FBP1: variants seen among roughly 807,000 people sequenced by gnomAD.
FBP1 encodes the protein fructose-1,6-bisphosphatase 1.
Under a neutral mutation model 29.9 loss-of-function variants are expected in FBP1, and 22 were observed. The ratio of observed to expected loss-of-function variants is 0.74; its 90% CI spans 0.53 to 1.05. FBP1 has a LOEUF of 1.05. Among genes scored for constraint, FBP1 ranks in the 50% least tolerant of loss-of-function variants. The pLI is 0.00. For missense variants in FBP1, 345 were observed against 448.2 expected, an observed-to-expected ratio of 0.77 and a Z score of 2.08; for synonymous variants, 175 against 178.6, an observed-to-expected ratio of 0.98 and a Z score of 0.16.
At chr9:94,619,793 G>A (rs1449712752) in intron 2 of FBP1, among the ~76,000 whole-genome samples, 2 of 145,636 alleles carry the variant, frequency 1.4e-5, no homozygotes, top group Admixed American at 1.5e-4. Flanking sequence ...AGAATCGCTT[G>A]AACCCAGGAG....
intron 4 of FBP1, among the ~76,000 whole-genome samples, chr9:94,607,914 A>C (rs1245975776): frequency 6.6e-6 from 1 of 152,222 alleles, no homozygotes; most frequent in African/African-American, 2.4e-5. Flanking sequence ...GTGTCACTGG[A>C]AGTGATTCTT....
At chr9:94,611,598 A>T (rs545115287) in intron 3 of FBP1, among the ~76,000 whole-genome samples, 15 of 152,022 alleles carry the variant, frequency 9.9e-5, no homozygotes, top group South Asian at 4.2e-4. Context: ...ACGAAAAAAA[A>T]TTTTTTTTTA....
intron 1 of FBP1, among the ~76,000 whole-genome samples, chr9:94,635,205 C>T (rs1472150890): frequency 1.3e-5 from 2 of 152,002 alleles, no homozygotes. Flanking sequence ...AAAAGACCTC[C>T]AATCCGGGGT....
chr9:94,615,858 A>T (rs4077250), intron 3 of FBP1, among the ~76,000 whole-genome samples: 15,050 of 147,156 alleles, frequency 0.1, 2,587 homozygotes, highest in African/African-American at 0.36. Context: ...GACGGAGTCT[A>T]GCTCTGTCAC....
chr9:94,630,964 G>A (rs772943097), intron 1 of FBP1, among the ~76,000 whole-genome samples: 1 of 152,164 alleles, frequency 6.6e-6, no homozygotes, highest in Non-Finnish European at 1.5e-5. Context: ...GGGATTGGGG[G>A]AAGGGGAGGT....
At position 94,617,826 on chromosome 9, in the gene FBP1, C is replaced by T; in HGVS notation, c.368G>A (p.Gly123Glu). 4.3e-6 allele frequency: 7 copies of T among 1,613,860 alleles called. No homozygotes were observed. The highest frequency in any genetic ancestry group is 1.3e-5 in the African/African-American group (1 of 75,002). Residue 123 changes from glycine to glutamate, a missense_variant, in exon 3 of 7, where the codon GGA becomes GAA. Physicochemically the swap from Gly to Glu is moderately conservative, Grantham distance 98. Coordinates refer to ENST00000375326, the MANE Select transcript of FBP1 (RefSeq NM_000507.4). ...CACAAGGCAATCGATGTTGGAAGAT[C>T]CATCAAGGGGATCAAAACAGACCAC... Reference protein sequence around the residue: ...KYVVCFDPLDGSSNIDCLVSV... With the variant: ...KYVVCFDPLDESSNIDCLVSV...
intron 1 of FBP1, among the ~76,000 whole-genome samples, chr9:94,631,771 C>T (rs1324223782): frequency 6.6e-6 from 1 of 152,180 alleles, no homozygotes. Flanking sequence ...TAATCCTTAT[C>T]ACTAAAGTCA....
intron 2 of FBP1, among the ~76,000 whole-genome samples, chr9:94,619,745 G>A (rs28369700): frequency 0.012 from 1,838 of 151,912 alleles, 37 homozygotes; most frequent in African/African-American, 0.042. Flanking sequence ...GTGGTGGCGG[G>A]AACCTGTAAT....
chr9:94,605,486 G>A lies in FBP1; in HGVS notation c.796C>T (p.Pro266Ser). 2 of 1,613,916 alleles carry A rather than the reference G, an allele frequency of 1.2e-6. No homozygotes were observed. The highest frequency in any genetic ancestry group is 1.7e-6 in the Non-Finnish European group (2 of 1,179,986). Residue 266 changes from proline (P) to serine (S), a missense_variant, in exon 6 of 7, where the codon CCC (proline) becomes TCC (serine). Coordinates refer to ENST00000375326, the MANE Select transcript of FBP1 (RefSeq NM_000507.4). ...TLVYGGIFLY[P>S]ANKKSPNGKL... ...CCATTGGGGCTCTTCTTGTTAGCGG[G>A]GTACAGAAATATCCCTCCGTAGACC... is the stretch of plus-strand genomic sequence containing the variant.
intron 1 of FBP1, among the ~76,000 whole-genome samples, chr9:94,625,079 G>T (rs779328769): frequency 9.4e-5 from 12 of 127,708 alleles, no homozygotes; most frequent in Non-Finnish European, 1.6e-4. Context: ...TCATGCAGTG[G>T]ACTGCATTTT....
chr9:94,632,703 C>A (rs923429047), intron 1 of FBP1, among the ~76,000 whole-genome samples: 2 of 152,114 alleles, frequency 1.3e-5, no homozygotes, highest in African/African-American at 4.8e-5. Context: ...TTCAGGAAAA[C>A]AATGATATTA....
intron 2 of FBP1, among the ~76,000 whole-genome samples, chr9:94,619,674 G>C (rs936752134): frequency 2.6e-5 from 4 of 151,914 alleles, no homozygotes; most frequent in African/African-American, 9.7e-5. Flanking sequence ...AGGAGTTCAA[G>C]GCCAGCCTGG....
chr9:94,632,313 A>G (rs1828115516), intron 1 of FBP1, among the ~76,000 whole-genome samples: 1 of 152,182 alleles, frequency 6.6e-6, no homozygotes, highest in Admixed American at 6.5e-5. Flanking sequence ...CCCTGCTGAT[A>G]GCATACAGGC....
intron 1 of FBP1, 62 bp from the exon 2 acceptor site, chr9:94,620,553 T>C: frequency 5.3e-6 from 8 of 1,520,668 alleles, no homozygotes; most frequent in Non-Finnish European, 7.2e-6. Context: ...GATGAGTCCA[T>C]AAACCCACCA....
intron 4 of FBP1, among the ~76,000 whole-genome samples, chr9:94,607,645 G>T (rs1044465264): frequency 3.9e-5 from 6 of 152,210 alleles, no homozygotes; most frequent in Non-Finnish European, 5.9e-5. Flanking sequence ...TGGGGGAAAA[G>T]TGTTGCAGAA....
intron 1 of FBP1, among the ~76,000 whole-genome samples, chr9:94,625,553 T>C (rs1305315865): frequency 6.6e-6 from 1 of 151,698 alleles, no homozygotes; most frequent in African/African-American, 2.4e-5. Flanking sequence ...CCCAGCACTT[T>C]GGGAGGCCGA....
rs771750403 is a variant in FBP1 at position 94,617,813 on chromosome 9, G to A, written c.381C>T (p.Ile127=). 1.2e-5 allele frequency: 20 copies of A among 1,613,788 alleles called. No homozygotes were observed. In the Admixed American group the frequency reaches 1.8e-4, roughly 15 times the overall value. The change falls in exon 3 of 7, where the codon ATC becomes ATT. Residue 127 remains isoleucine (I), a synonymous_variant. Coordinates refer to ENST00000375326, the MANE Select transcript of FBP1 (RefSeq NM_000507.4). ...TGGTTCCAACGGACACAAGGCAATC[G>A]ATGTTGGAAGATCCATCAAGGGGAT... The part of the protein sequence containing the change: ...CFDPLDGSSN[I]DCLVSVGTIF...
intron 1 of FBP1, among the ~76,000 whole-genome samples, chr9:94,637,866 G>A (rs1357976723): frequency 6.6e-6 from 1 of 151,802 alleles, no homozygotes; most frequent in African/African-American, 2.4e-5. Flanking sequence ...AGGCATCACC[G>A]GAGGTCGGGA....
chr9:94,608,221 C>A (rs1827730013), intron 4 of FBP1, among the ~76,000 whole-genome samples: 1 of 152,186 alleles, frequency 6.6e-6, no homozygotes, highest in South Asian at 2.1e-4. Flanking sequence ...AAACCGTCAG[C>A]CTGGCTTTGC....
Sources: gnomAD v4.1 joint callset for allele counts (sites outside exome capture counted in the v4.1 genomes callset) on GRCh38, gnomAD v4.1.1 for gene constraint, MANE v1.5 for transcripts, NCBI Gene and HGNC (gene_info 2026-07-23, HGNC 2026-07-21) for gene names.